The following C4orf51 variants were observed in gnomAD, a reference collection of about 807,000 sequenced individuals.
The protein encoded by C4orf51 is uncharacterized protein C4orf51.
Under a neutral mutation model 25.2 loss-of-function variants are expected in C4orf51, and 25 were observed. That is an observed-to-expected ratio of 0.99 (90% CI 0.72 to 1.39). The LOEUF is 1.39. Among genes scored for constraint, C4orf51 ranks in the 40% most tolerant of loss-of-function variants. C4orf51 has a pLI of 0.00. For synonymous variants in C4orf51, 100 were observed against 84.5 expected (o/e 1.18, Z -1.01); for missense variants, 252 against 239.6 (o/e 1.05, Z -0.34).
intron 1 of C4orf51, among the ~76,000 whole-genome samples, chr4:145,685,660 G>T (rs571459674): frequency 6.6e-6 from 1 of 152,188 alleles, no homozygotes; most frequent in Non-Finnish European, 1.5e-5. Context: ...AACCGATTAG[G>T]TCAGTGGTCG....
intron 2 of C4orf51, among the ~76,000 whole-genome samples, chr4:145,721,711 C>T (rs1327427249): frequency 6.6e-6 from 1 of 152,174 alleles, no homozygotes; most frequent in Non-Finnish European, 1.5e-5. Flanking sequence ...CACAAGATGC[C>T]ATCTGTTACT....
At chr4:145,690,185 C>T (rs1357037690) in intron 1 of C4orf51, among the ~76,000 whole-genome samples, 1 of 146,926 alleles carries the variant, frequency 6.8e-6, no homozygotes, top group Non-Finnish European at 1.5e-5. Context: ...CCAGCTTGGG[C>T]AACAAGAGCA....
intron 5 of C4orf51, among the ~76,000 whole-genome samples, chr4:145,731,684 C>G (rs1732488718): frequency 6.9e-6 from 1 of 145,010 alleles, no homozygotes; most frequent in Non-Finnish European, 1.5e-5. Context: ...TGGGTTCAAG[C>G]AATTCTCCTG....
At chr4:145,721,988 TTG>T (rs1731765838) in intron 2 of C4orf51, among the ~76,000 whole-genome samples, 1 of 152,304 alleles carries the variant, frequency 6.6e-6, no homozygotes, top group South Asian at 2.1e-4. Context: ...TTTCCTTTTT[TTG>T]TGTGTGTGCC....
chr4:145,724,883 A>T (rs1366533357), intron 2 of C4orf51, among the ~76,000 whole-genome samples: 2 of 122,724 alleles, frequency 1.6e-5, no homozygotes, highest in South Asian at 4.6e-4. Flanking sequence ...ACTGTCTCAA[A>T]AAAAAAAAAA....
intron 2 of C4orf51, among the ~76,000 whole-genome samples, chr4:145,721,531 G>T (rs1002407184): frequency 6.6e-6 from 1 of 152,154 alleles, no homozygotes; most frequent in African/African-American, 2.4e-5. Context: ...CTTCTAGGTG[G>T]TGGGAATTTT....
At position 145,763,119 on chromosome 4, in the gene C4orf51, T is replaced by C; in HGVS notation, n.167-7869T>C. The C allele has an allele frequency of 6.5e-7, 1 of 1,536,138 alleles. No homozygotes were observed. Among genetic ancestry groups the C allele is most frequent in the Non-Finnish European group, 8.7e-7 (1 of 1,146,890 alleles). ...AGGAGTCTGAAACTCACCACTGTCC[T>C]GAGCTACGGCAAAAGAAAAATAATA... On this transcript the variant is annotated intron_variant and non_coding_transcript_variant, in intron 1 of 1. Transcript: ENST00000510096. This position sits in a 1 kb window ranked among gnomAD's most constrained non-coding sequence, Gnocchi z 4.6.
chr4:145,791,922 T>C, the C4orf51 span, among the ~76,000 whole-genome samples: 3 of 152,222 alleles, frequency 2.0e-5, no homozygotes, highest in African/African-American at 7.2e-5. Context: ...AAACCCAGGA[T>C]GCCCAACTAG....
Position 145,763,226 on chromosome 4 carries a change from C to T in C4orf51, n.167-7762C>T, listed in dbSNP as rs75874484. 17,694 of 1,136,530 alleles carry T rather than the reference C, an allele frequency of 0.016. 173 individuals are homozygous for T. Among genetic ancestry groups the T allele is most frequent in the Non-Finnish European group, 0.018 (14,447 of 804,050 alleles). The allele number at this position is 1,136,530 out of a possible 1,614,324, so 70.4% of individuals were successfully genotyped here. On this transcript the variant is annotated intron_variant and non_coding_transcript_variant, in intron 1 of 1. Coordinates refer to the C4orf51 transcript ENST00000510096. This position sits in a 1 kb window ranked among gnomAD's most constrained non-coding sequence, Gnocchi z 4.6. ...CACAGAAAAGCAATTTAGACATCAG[C>T]AGTCTGTTTCATTTTAAGGACATTT...
At chr4:145,696,477 GA>G (rs1465815208) in intron 1 of C4orf51, 81 bp from the exon 2 acceptor site, 1 of 1,134,308 alleles carries the variant, frequency 8.8e-7, no homozygotes, top group African/African-American at 1.6e-5. Flanking sequence ...AAGATGAATG[GA>G]AATCCCTGTA....
At chr4:145,686,968 G>A (rs1401537627) in intron 1 of C4orf51, among the ~76,000 whole-genome samples, 1 of 150,994 alleles carries the variant, frequency 6.6e-6, no homozygotes, top group African/African-American at 2.4e-5. Context: ...AGGGGATTCT[G>A]AGGAGTCACC....
downstream of C4orf51, among the ~76,000 whole-genome samples, chr4:145,737,182 G>A (rs1414478571): frequency 5.3e-5 from 8 of 151,766 alleles, no homozygotes; most frequent in African/African-American, 1.9e-4. Context: ...GATTGTAGAA[G>A]ACAGCCAGTG....
Position 145,711,623 on chromosome 4 carries a change from TCTC to T in C4orf51, c.307+14995_307+14997del, listed in dbSNP as rs201822980. Among the ~76,000 whole-genome samples the T allele has an allele frequency of 8.4e-3, 1,284 of 152,278 alleles. 14 individuals carry two copies. Among genetic ancestry groups the T allele is most frequent in the African/African-American group, 0.028 (1,179 of 41,544 alleles). The stretch of plus-strand genomic sequence containing the variant: ...TCTTTTCATTCATTTTTTTCTTCTT[TCTC>T]CTCTGATTGGGTAGTTTCAAATGAT... On this transcript the variant is annotated intron_variant, in intron 2 of 5. Transcript: ENST00000438731.
intron 2 of C4orf51, among the ~76,000 whole-genome samples, chr4:145,714,435 G>T (rs541493013): frequency 1.3e-5 from 2 of 152,226 alleles, no homozygotes; most frequent in East Asian, 3.9e-4. Context: ...ATCCTCACGT[G>T]TTCATTAGAT....
intron 1 of C4orf51, among the ~76,000 whole-genome samples, chr4:145,696,000 G>C (rs1273300352): frequency 6.6e-6 from 1 of 152,232 alleles, no homozygotes; most frequent in African/African-American, 2.4e-5. Flanking sequence ...AACATGGCCA[G>C]GCGCAGTGGC....
Position 145,761,258 on chromosome 4 carries a change from C to T in C4orf51, n.167-9730C>T, listed in dbSNP as rs1021671650. 2.6e-5 allele frequency: 34 copies of T among 1,289,714 alleles called. No individual in the cohort carries two copies. The African/African-American group carries it at 4.1e-4, about 16-fold the overall frequency. The allele number at this position is 1,289,714 out of a possible 1,614,324, so 79.9% of individuals were successfully genotyped here. A position where few individuals can be genotyped will look rare whatever the true frequency, so the allele number is the denominator to read the frequency against. The stretch of plus-strand genomic sequence containing the variant: ...TGTGTGGTCTTGAACAGGCACTCTT[C>T]GCAGCTGAAGGTCTGGCGTGGGGCG... On this transcript the variant is annotated intron_variant and non_coding_transcript_variant, in intron 1 of 1. Transcript: ENST00000510096. This position sits in a 1 kb window ranked among gnomAD's most constrained non-coding sequence, Gnocchi z 6.8.
In C4orf51 at chr4:145,762,177, C is replaced by G. The variant is rs1333737296; in HGVS notation, n.167-8811C>G. The stretch of plus-strand genomic sequence containing the variant: ...TTAGGATGAGAAGGCCTGTGTGTGT[C>G]TCTCTGTGTGAGTGTGTGCATGTGT... On this transcript the variant is annotated intron_variant and non_coding_transcript_variant, in intron 1 of 1. Transcript: ENST00000510096. The surrounding 1 kb of genome is among the most constrained non-coding windows in gnomAD (Gnocchi z 4.9). Among the ~76,000 whole-genome samples the G allele has an allele frequency of 6.6e-6, 1 of 152,056 alleles. No individual in the cohort carries two copies. The highest frequency in any genetic ancestry group is 2.4e-5 in the African/African-American group (1 of 41,328).
rs373957456 is a variant in C4orf51 at position 145,732,414 on chromosome 4, G to A, written c.502-39G>A. On this transcript the variant is annotated intron_variant, in intron 5 of 5. Transcript: ENST00000438731. Reference sequence around the variant, plus strand: ...AATTCTGTGGAAAAGTGACCTTTGCGGATGAGCGAGTGTTGACAACCAGGC... The same window carrying A: ...AATTCTGTGGAAAAGTGACCTTTGCAGATGAGCGAGTGTTGACAACCAGGC... The A allele has an allele frequency of 9.7e-4, 1,270 of 1,313,824 alleles. 6 individuals carry two copies. Among genetic ancestry groups the A allele is most frequent in the Non-Finnish European group, 7.0e-4 (644 of 915,420 alleles). The allele number at this position is 1,313,824 out of a possible 1,614,324, so 81.4% of individuals were successfully genotyped here.
chr4:145,736,826 C>T (rs1006348030), downstream of C4orf51, among the ~76,000 whole-genome samples: 1 of 152,122 alleles, frequency 6.6e-6, no homozygotes, highest in African/African-American at 2.4e-5. Flanking sequence ...GCCCTAAATT[C>T]ACGGCCTATG....
Sources: gnomAD v4.1 joint callset for allele counts (sites outside exome capture counted in the v4.1 genomes callset) on GRCh38, gnomAD v4.1.1 for gene constraint, Gnocchi (gnomAD v3.1) non-coding constraint, MANE v1.5 for transcripts, NCBI Gene and HGNC (gene_info 2026-07-23, HGNC 2026-07-21) for gene names.